Variants in PTPRM observed in about 807,000 individuals in gnomAD.
The protein encoded by PTPRM is protein tyrosine phosphatase receptor type M, also known as receptor-type tyrosine-protein phosphatase mu.
A neutral mutation model predicts 186.7 loss-of-function variants in PTPRM; 47 were observed. The ratio of observed to expected loss-of-function variants is 0.25; its 90% CI spans 0.20 to 0.32. The LOEUF is 0.32. Ranked by LOEUF, PTPRM falls within the 10% of genes least tolerant of loss-of-function variation. PTPRM has a pLI of 1.00. For synonymous variants in PTPRM, 668 were observed against 674.9 expected, an observed-to-expected ratio of 0.99 and a Z score of 0.16; for missense variants, 1,494 against 1,865.0, an observed-to-expected ratio of 0.80 and a Z score of 3.66.
intron 31 of PTPRM, among the ~76,000 whole-genome samples, chr18:8,389,915 C>CAAGGT (rs1374851753): frequency 6.6e-6 from 1 of 152,154 alleles, no homozygotes; most frequent in African/African-American, 2.4e-5. Context: ...CACAGATATT[C>CAAGGT]AAGGTAGGCA....
rs544116387 is a variant in PTPRM at position 8,200,362 on chromosome 18, G to C, written c.2301-43696G>C. Among the ~76,000 whole-genome samples, 56 of 152,212 alleles carry C rather than the reference G, an allele frequency of 3.7e-4. 2 individuals are homozygous for C. The East Asian group carries it at 0.01, about 27-fold the overall frequency. ...CATGTGGGGCAAAACCAGGGTGGGGGCACGACCCTGCTAGATTAGCCTGAA... is the reference window on the plus strand; with the variant it reads ...CATGTGGGGCAAAACCAGGGTGGGGCCACGACCCTGCTAGATTAGCCTGAA... On this transcript the variant is annotated intron_variant, in intron 14 of 32. Transcript: ENST00000580170.
At chr18:8,150,959 A>T (rs1021952176) in intron 14 of PTPRM, among the ~76,000 whole-genome samples, 1 of 151,982 alleles carries the variant, frequency 6.6e-6, no homozygotes, top group Non-Finnish European at 1.5e-5. Flanking sequence ...ACCAGCGGAG[A>T]CAGCAGACCA....
chr18:8,176,282 G>A (rs2076357302), intron 14 of PTPRM, among the ~76,000 whole-genome samples: 1 of 152,066 alleles, frequency 6.6e-6, no homozygotes, highest in Non-Finnish European at 1.5e-5. Flanking sequence ...AACAAAGAAG[G>A]CTGTGTAATC....
chr18:7,701,637 A>T (rs1368211256), intron 1 of PTPRM, among the ~76,000 whole-genome samples: 2 of 151,970 alleles, frequency 1.3e-5, no homozygotes, highest in Non-Finnish European at 2.9e-5. Context: ...TTGAGGAGAG[A>T]AGGAGACTAT....
intron 1 of PTPRM, among the ~76,000 whole-genome samples, chr18:7,617,764 C>T (rs1416549523): frequency 6.6e-6 from 1 of 152,188 alleles, no homozygotes; most frequent in East Asian, 1.9e-4. Flanking sequence ...AGAGGATAAT[C>T]ATCAACCGCT....
intron 29 of PTPRM, among the ~76,000 whole-genome samples, chr18:8,383,338 G>T (rs1479160935): frequency 8.5e-6 from 1 of 117,474 alleles, no homozygotes; most frequent in Admixed American, 8.5e-5. Context: ...AAAGGTAGAT[G>T]CTACTCAAAA....
Position 7,718,908 on chromosome 18 carries a change from A to G in PTPRM, c.74-55241A>G, listed in dbSNP as rs115934914. ...AAATTAAAAAATAATAGATGTTGGT[A>G]TGGTTGTGATGAAAAGGGAATTCTT... On this transcript the variant is annotated intron_variant, in intron 1 of 32. Transcript: ENST00000580170. 8.9e-3 allele frequency among the ~76,000 whole-genome samples: 1,351 copies of G among 152,340 alleles called. 21 individuals carry two copies. Among genetic ancestry groups the G allele is most frequent in the African/African-American group, 0.031 (1,300 of 41,588 alleles).
At chr18:7,823,191 A>G (rs552860623) in intron 2 of PTPRM, among the ~76,000 whole-genome samples, 50 of 152,038 alleles carry the variant, frequency 3.3e-4, no homozygotes, top group Non-Finnish European at 4.7e-4. Flanking sequence ...CCATGCAGAA[A>G]CTCTCTTCCC....
chr18:7,800,369 A>G (rs373889367), intron 2 of PTPRM, among the ~76,000 whole-genome samples: 154 of 152,268 alleles, frequency 1.0e-3, no homozygotes, highest in African/African-American at 3.5e-3. Flanking sequence ...CCTCCAATGC[A>G]ATGGAACCTT....
intron 1 of PTPRM, among the ~76,000 whole-genome samples, chr18:7,649,979 C>T (rs1033978372): frequency 6.6e-6 from 1 of 151,992 alleles, no homozygotes; most frequent in African/African-American, 2.4e-5. Context: ...TAATAAAATA[C>T]AGTATAGTGT....
At chr18:8,347,833 C>G (rs1352960341) in intron 23 of PTPRM, among the ~76,000 whole-genome samples, 2 of 152,116 alleles carry the variant, frequency 1.3e-5, no homozygotes, top group East Asian at 3.8e-4. Context: ...CAAATCCTTA[C>G]CAGGTTTGTG....
intron 31 of PTPRM, among the ~76,000 whole-genome samples, chr18:8,392,695 G>A (rs1239573392): frequency 2.6e-5 from 4 of 152,090 alleles, no homozygotes; most frequent in African/African-American, 9.7e-5. Flanking sequence ...GGATAGTGCG[G>A]GATGAGCCTG....
rs181511268 is a variant in PTPRM at position 8,179,556 on chromosome 18, G to A, written c.2300+35777G>A. On this transcript the variant is annotated intron_variant, in intron 14 of 32. Coordinates refer to ENST00000580170, the MANE Select transcript of PTPRM (RefSeq NM_001105244.2). Reference sequence around the variant, plus strand: ...GCAATCTCAGCTCACTGCAACCTCCGCCTCCCAGGTTCAAGCAATTCTCCT... The same window carrying A: ...GCAATCTCAGCTCACTGCAACCTCCACCTCCCAGGTTCAAGCAATTCTCCT... 1.9e-3 allele frequency among the ~76,000 whole-genome samples: 276 copies of A among 148,704 alleles called. 2 individuals are homozygous for A. Among genetic ancestry groups the A allele is most frequent in the African/African-American group, 5.9e-3 (236 of 40,280 alleles).
intron 2 of PTPRM, among the ~76,000 whole-genome samples, chr18:7,822,550 C>T (rs991433765): frequency 3.0e-4 from 45 of 152,316 alleles, no homozygotes; most frequent in African/African-American, 1.1e-3. Context: ...GGTTTAGTTT[C>T]ATTGCTCAGG....
chr18:7,778,140 A>G (rs1006344035), intron 2 of PTPRM, among the ~76,000 whole-genome samples: 3 of 152,132 alleles, frequency 2.0e-5, no homozygotes, highest in African/African-American at 7.2e-5. Flanking sequence ...CTTATGTGTG[A>G]GGTTATTTTT....
chr18:7,972,584 T>C (rs2054630773), intron 7 of PTPRM, among the ~76,000 whole-genome samples: 1 of 151,280 alleles, frequency 6.6e-6, no homozygotes, highest in South Asian at 2.1e-4. Context: ...ATATACATAT[T>C]AAAATATATT....
Position 7,842,317 on chromosome 18 carries a change from C to A in PTPRM, c.197-45789C>A, listed in dbSNP as rs116868737. Among the ~76,000 whole-genome samples the A allele has an allele frequency of 2.2e-3, 341 of 152,258 alleles. 3 individuals are homozygous for A. The highest frequency in any genetic ancestry group is 3.4e-3 in the Non-Finnish European group (234 of 68,016). ...CCGATAATAACTAACATGCTTTGAT[C>A]ATTTTTTCATTGCCTGGCATTATGC... On this transcript the variant is annotated intron_variant, in intron 2 of 32. Transcript: ENST00000580170.
chr18:8,036,074 G>T (rs558063695), intron 7 of PTPRM, among the ~76,000 whole-genome samples: 1 of 152,314 alleles, frequency 6.6e-6, no homozygotes, highest in East Asian at 1.9e-4. Flanking sequence ...AGGCGGAGTA[G>T]CCACATCATG....
intron 1 of PTPRM, among the ~76,000 whole-genome samples, chr18:7,621,178 G>A (rs1045503906): frequency 1.3e-5 from 2 of 152,148 alleles, no homozygotes; most frequent in South Asian, 4.1e-4. Flanking sequence ...AGGCAGTAGA[G>A]GCACAGAGAG....
Sources: gnomAD v4.1 joint callset for allele counts (sites outside exome capture counted in the v4.1 genomes callset) on GRCh38, gnomAD v4.1.1 for gene constraint, MANE v1.5 for transcripts, NCBI Gene and HGNC (gene_info 2026-07-23, HGNC 2026-07-21) for gene names.